Variants in CTNNA2 observed in about 807,000 individuals in gnomAD.
The protein encoded by CTNNA2 is catenin alpha 2.
In CTNNA2, 42 loss-of-function variants were observed where a neutral mutation model predicts 101.0. The ratio of observed to expected loss-of-function variants is 0.42; its 90% CI spans 0.32 to 0.54. CTNNA2 has a LOEUF of 0.54. Among genes scored for constraint, CTNNA2 ranks in the 20% least tolerant of loss-of-function variants. The pLI, the probability that CTNNA2 is intolerant of heterozygous loss-of-function variation, is 0.14. For missense variants in CTNNA2, 871 were observed against 1,223.1 expected (o/e 0.71, Z 4.29); for synonymous variants, 450 against 456.4 (o/e 0.99, Z 0.18).
intron 7 of CTNNA2, among the ~76,000 whole-genome samples, chr2:80,168,802 T>TTC (rs1409281721): frequency 6.6e-6 from 1 of 152,116 alleles, no homozygotes; most frequent in Admixed American, 6.5e-5. Flanking sequence ...TTTTTAGACT[T>TTC]TCTTAGGTGA....
At chr2:79,477,252 C>A (rs961900959) in intron 4 of CTNNA2, among the ~76,000 whole-genome samples, 14 of 148,872 alleles carry the variant, frequency 9.4e-5, no homozygotes, top group Non-Finnish European at 4.4e-5. Context: ...CTCACTGCAA[C>A]TTCTGCCTCC....
chr2:80,131,194 G>A (rs1007930594), intron 7 of CTNNA2, among the ~76,000 whole-genome samples: 1 of 152,086 alleles, frequency 6.6e-6, no homozygotes, highest in African/African-American at 2.4e-5. Context: ...GAGTAGCCAG[G>A]ACTATTGGCG....
chr2:80,164,639 C>T (rs1704539557), intron 7 of CTNNA2, among the ~76,000 whole-genome samples: 1 of 151,346 alleles, frequency 6.6e-6, no homozygotes, highest in South Asian at 2.1e-4. Context: ...TCTAGCCTTC[C>T]CCCAACCCCT....
chr2:79,484,473 G>T (rs1000049034), intron 4 of CTNNA2, among the ~76,000 whole-genome samples: 1 of 152,010 alleles, frequency 6.6e-6, no homozygotes, highest in Non-Finnish European at 1.5e-5. Context: ...CTCCCTAAAT[G>T]CAGCTAGAAG....
intron 1 of CTNNA2, among the ~76,000 whole-genome samples, chr2:79,564,298 G>C (rs971990790): frequency 3.3e-5 from 5 of 150,520 alleles, no homozygotes; most frequent in African/African-American, 1.2e-4. Context: ...ATTTTTTAAA[G>C]TATATTATAT....
Position 79,533,601 on chromosome 2 carries a change from A to G in CTNNA2, c.-6+20394A>G, listed in dbSNP as rs953868435. On this transcript the variant is annotated intron_variant, in intron 1 of 18. Coordinates refer to ENST00000402739, the MANE Select transcript of CTNNA2 (RefSeq NM_001282597.3). ...TTGTGTTATAGATGATGAGAGACACAAGTGGCCCCTAAACTGATTGAGATC... is the reference window on the plus strand; with the variant it reads ...TTGTGTTATAGATGATGAGAGACACGAGTGGCCCCTAAACTGATTGAGATC... Among the ~76,000 whole-genome samples, 5 of 152,154 alleles carry G rather than the reference A, an allele frequency of 3.3e-5. 1 individual carries two copies. The highest frequency in any genetic ancestry group is 4.8e-5 in the African/African-American group (2 of 41,448).
At chr2:80,522,351 C>A (rs879784912) in intron 9 of CTNNA2, among the ~76,000 whole-genome samples, 8 of 152,200 alleles carry the variant, frequency 5.3e-5, no homozygotes, top group Admixed American at 5.2e-4. Flanking sequence ...GTTGGAGATC[C>A]AAGTTGGGGT....
chr2:80,207,688 T>C (rs938258730), intron 7 of CTNNA2, among the ~76,000 whole-genome samples: 1 of 152,082 alleles, frequency 6.6e-6, no homozygotes, highest in African/African-American at 2.4e-5. Context: ...GAGTGAATGG[T>C]TTTATATAAG....
chr2:79,750,043 G>C (rs1164376250), intron 3 of CTNNA2, among the ~76,000 whole-genome samples: 7 of 152,142 alleles, frequency 4.6e-5, no homozygotes, highest in African/African-American at 1.7e-4. Context: ...GTTGCACGTG[G>C]TGTCCGCAAA....
At chr2:80,237,245 T>C (rs147307509) in intron 7 of CTNNA2, among the ~76,000 whole-genome samples, 20 of 152,306 alleles carry the variant, frequency 1.3e-4, no homozygotes, top group Middle Eastern at 3.4e-3. Flanking sequence ...TGTGGTTACC[T>C]TGGATATGTT....
At chr2:80,506,505 GTTGGGCAATTTAAAGGAATTTAAA>G (rs966932936) in intron 9 of CTNNA2, among the ~76,000 whole-genome samples, 1 of 152,160 alleles carries the variant, frequency 6.6e-6, no homozygotes, top group Non-Finnish European at 1.5e-5. Flanking sequence ...ACAATGGCTT[GTTGGGCAATTTAAAGGAATTTAAA>G]TTGGGCAGTT....
intron 2 of CTNNA2, among the ~76,000 whole-genome samples, chr2:79,707,649 A>T (rs1316960039): frequency 6.6e-6 from 1 of 152,198 alleles, no homozygotes; most frequent in Non-Finnish European, 1.5e-5. Context: ...CATAGTACTT[A>T]TATCTGTTTT....
intron 2 of CTNNA2, among the ~76,000 whole-genome samples, chr2:79,716,206 A>T (rs1686092471): frequency 2.6e-5 from 4 of 152,206 alleles, no homozygotes; most frequent in Non-Finnish European, 5.9e-5. Context: ...AGACTTTTAA[A>T]AATTTTTTTG....
chr2:79,835,732 A>G (rs1452790788), intron 3 of CTNNA2, among the ~76,000 whole-genome samples: 2 of 119,772 alleles, frequency 1.7e-5, no homozygotes, highest in East Asian at 2.4e-4. Flanking sequence ...GCCCGGATTC[A>G]AGCAATTCTC....
intron 1 of CTNNA2, among the ~76,000 whole-genome samples, chr2:79,555,959 A>G (rs1674418136): frequency 1.3e-5 from 2 of 152,238 alleles, no homozygotes; most frequent in South Asian, 2.1e-4. Context: ...AAATGGGTCC[A>G]TTATAATTTT....
At chr2:80,602,495 G>C (rs1697639700) in intron 15 of CTNNA2, among the ~76,000 whole-genome samples, 1 of 152,000 alleles carries the variant, frequency 6.6e-6, no homozygotes, top group South Asian at 2.1e-4. Flanking sequence ...TTAAGATGAA[G>C]TTACAACAAA....
chr2:79,290,330 G>C (rs1365509069), intron 2 of CTNNA2, among the ~76,000 whole-genome samples: 1 of 152,300 alleles, frequency 6.6e-6, no homozygotes, highest in South Asian at 2.1e-4. Flanking sequence ...GCCCTGGAGT[G>C]TGGTCCTTTT....
chr2:79,216,393 G>T (rs1034705954), intron 2 of CTNNA2, among the ~76,000 whole-genome samples: 1 of 151,888 alleles, frequency 6.6e-6, no homozygotes, highest in Admixed American at 6.6e-5. Flanking sequence ...GCAGGAAAGT[G>T]GTCGGGGTGC....
intron 4 of CTNNA2, among the ~76,000 whole-genome samples, chr2:79,456,809 A>G (rs965613098): frequency 6.6e-5 from 10 of 152,324 alleles, no homozygotes; most frequent in African/African-American, 2.2e-4. Flanking sequence ...TTCATGTTTT[A>G]TTTGTTTTTA....
Sources: gnomAD v4.1 joint callset for allele counts (sites outside exome capture counted in the v4.1 genomes callset) on GRCh38, gnomAD v4.1.1 for gene constraint, MANE v1.5 for transcripts, NCBI Gene and HGNC (gene_info 2026-07-23, HGNC 2026-07-21) for gene names.